SNX29: variants seen among roughly 807,000 people sequenced by gnomAD.
The protein encoded by SNX29 is sorting nexin-29.
A neutral mutation model predicts 102.1 loss-of-function variants in SNX29; 78 were observed. That is an observed-to-expected ratio of 0.76 (90% CI 0.64 to 0.92). The LOEUF (loss-of-function observed/expected upper bound fraction) is 0.92. Ranked by LOEUF, SNX29 falls within the 40% of genes least tolerant of loss-of-function variation. The probability of loss-of-function intolerance (pLI) is 0.00; values close to 1 mark genes in which losing one functional copy is unlikely to be tolerated. For missense variants in SNX29, 1,280 were observed against 1,061.7 expected (o/e 1.21, Z -2.86); for synonymous variants, 580 against 414.5 (o/e 1.40, Z -4.85).
At chr16:12,129,568 G>C in intron 12 of SNX29, 62 bp from the exon 13 acceptor site, 1 of 1,542,570 alleles carries the variant, frequency 6.5e-7, no homozygotes, top group East Asian at 2.3e-5. Flanking sequence ...TAGGAACTGT[G>C]TCCTGGGCTC....
chr16:12,045,276 C>T (rs960071896), intron 5 of SNX29, among the ~76,000 whole-genome samples: 13 of 152,206 alleles, frequency 8.5e-5, no homozygotes, highest in African/African-American at 2.9e-4. Flanking sequence ...TCTCACTCAA[C>T]TACAGGTCAT....
intron 16 of SNX29, among the ~76,000 whole-genome samples, chr16:12,369,431 C>T (rs1415566950): frequency 2.0e-5 from 3 of 152,156 alleles, no homozygotes; most frequent in Admixed American, 1.3e-4. Context: ...CCACCGTGCC[C>T]GGCCGCATGT....
intron 19 of SNX29, chr16:12,515,592 G>T: frequency 2.0e-6 from 1 of 489,658 alleles, no homozygotes; most frequent in South Asian, 1.5e-5. Flanking sequence ...TGAATCTTCA[G>T]GTGACCTCCG....
intron 20 of SNX29, among the ~76,000 whole-genome samples, chr16:12,555,026 G>A (rs1339131536): frequency 6.6e-6 from 1 of 151,972 alleles, no homozygotes. Context: ...GAGTGTGCCT[G>A]CCTGGTGCCA....
intron 1 of SNX29, among the ~76,000 whole-genome samples, chr16:11,993,615 A>C (rs2055940660): frequency 6.6e-6 from 1 of 152,120 alleles, no homozygotes; most frequent in South Asian, 2.1e-4. Context: ...AGCCTGAAGG[A>C]GGGAGGTTAA....
chr16:12,212,374 C>G (rs1023010058), intron 14 of SNX29, among the ~76,000 whole-genome samples: 1 of 151,596 alleles, frequency 6.6e-6, no homozygotes, highest in Non-Finnish European at 1.5e-5. Flanking sequence ...TAGACTGGAC[C>G]TGCTCTTTGT....
At chr16:11,985,992 A>T (rs548102793) in intron 1 of SNX29, among the ~76,000 whole-genome samples, 2 of 151,836 alleles carry the variant, frequency 1.3e-5, no homozygotes, top group African/African-American at 2.4e-5. Flanking sequence ...TTTCGTAGAG[A>T]TGGGGTTTCA....
intron 15 of SNX29, among the ~76,000 whole-genome samples, chr16:12,300,484 G>C (rs1054899585): frequency 9.2e-5 from 14 of 152,110 alleles, no homozygotes; most frequent in African/African-American, 3.4e-4. Context: ...TTTTGCCTTA[G>C]TGTTTATGAA....
chr16:12,415,181 C>T (rs1333742593), intron 18 of SNX29, among the ~76,000 whole-genome samples: 3 of 152,228 alleles, frequency 2.0e-5, no homozygotes, highest in Non-Finnish European at 4.4e-5. Context: ...AACCAGGACC[C>T]ACAAACTGGC....
At chr16:12,565,733 C>CACCCCCTCCCCATGGGCCT in intron 20 of SNX29, among the ~76,000 whole-genome samples, 1 of 152,294 alleles carries the variant, frequency 6.6e-6, no homozygotes, top group East Asian at 1.9e-4. Flanking sequence ...GCTACAAGTC[C>CACCCCCTCCCCATGGGCCT]ACCCCCTCCC....
At chr16:12,550,506 G>A (rs1025091671) in intron 20 of SNX29, among the ~76,000 whole-genome samples, 2 of 147,076 alleles carry the variant, frequency 1.4e-5, no homozygotes, top group African/African-American at 5.1e-5. Flanking sequence ...TTACATTCCA[G>A]TCTGGGAGAC....
intron 20 of SNX29, among the ~76,000 whole-genome samples, chr16:12,545,049 G>A (rs988231177): frequency 6.6e-6 from 1 of 152,152 alleles, no homozygotes; most frequent in Non-Finnish European, 1.5e-5. Flanking sequence ...GTGATGCCCT[G>A]CTCCTGTAGC....
In SNX29 at chr16:12,573,173, G is replaced by T. The variant is rs1015837413; in HGVS notation, c.*4544G>T. 1 of 226,226 alleles carries T rather than the reference G, an allele frequency of 4.4e-6. No individual in the cohort carries two copies. The highest frequency in any genetic ancestry group is 2.2e-5 in the African/African-American group (1 of 45,110). The allele number at this position is 226,226 out of a possible 1,614,324, so 14.0% of individuals were successfully genotyped here. A position where few individuals can be genotyped will look rare whatever the true frequency, so the allele number is the denominator to read the frequency against. Reference sequence around the variant, plus strand: ...AGCTCCTTGGTCAATAGAAGTAAGGGTGTAGCCATCCAGGGTCTCCCGGCT... The same window carrying T: ...AGCTCCTTGGTCAATAGAAGTAAGGTTGTAGCCATCCAGGGTCTCCCGGCT... On this transcript the variant is annotated 3_prime_UTR_variant, in exon 21 of 21. Coordinates refer to ENST00000566228, the MANE Select transcript of SNX29 (RefSeq NM_032167.5).
At chr16:12,513,845 C>T (rs773264785) in intron 19 of SNX29, among the ~76,000 whole-genome samples, 9 of 152,216 alleles carry the variant, frequency 5.9e-5, no homozygotes, top group Non-Finnish European at 8.8e-5. Context: ...ATGAGGGCCA[C>T]CATGCCCGAC....
chr16:12,000,910 T>C (rs2151018666), intron 2 of SNX29, among the ~76,000 whole-genome samples: 1 of 152,296 alleles, frequency 6.6e-6, no homozygotes, highest in East Asian at 1.9e-4. Context: ...TGTGTATGGC[T>C]GCTGAGGGAA....
At chr16:12,025,836 G>A (rs1596627544) in intron 3 of SNX29, among the ~76,000 whole-genome samples, 2 of 152,188 alleles carry the variant, frequency 1.3e-5, no homozygotes, top group East Asian at 3.8e-4. Context: ...TGATATGGGG[G>A]ATGGAGGAAA....
At chr16:12,102,645 C>T (rs558118051) in intron 11 of SNX29, among the ~76,000 whole-genome samples, 64 of 152,198 alleles carry the variant, frequency 4.2e-4, no homozygotes, top group Admixed American at 1.2e-3. Flanking sequence ...CTTTGAAAAC[C>T]GGCACAAGAC....
At chr16:12,445,526 C>G (rs2086011210) in intron 18 of SNX29, among the ~76,000 whole-genome samples, 1 of 152,152 alleles carries the variant, frequency 6.6e-6, no homozygotes, top group Non-Finnish European at 1.5e-5. Context: ...GTGCTCAATA[C>G]CTATGAAGTG....
At chr16:12,013,500 A>AAAAAAAAAAATATATATATAT in intron 3 of SNX29, among the ~76,000 whole-genome samples, 2 of 31,628 alleles carry the variant, frequency 6.3e-5, no homozygotes, top group African/African-American at 9.8e-5. Context: ...AAAAAAAAAA[A>AAAAAAAAAAATATATATATAT]ATATATATAT....
Sources: allele counts gnomAD v4.1 joint callset (sites outside exome capture counted in the v4.1 genomes callset), GRCh38; gene constraint gnomAD v4.1.1; transcripts MANE v1.5; gene names NCBI Gene and HGNC (gene_info 2026-07-23, HGNC 2026-07-21).